Variants in AOPEP observed in about 807,000 individuals in gnomAD.
The protein encoded by AOPEP is aminopeptidase O (putative).
In AOPEP, 77 loss-of-function variants were observed where a neutral mutation model predicts 98.1. That is an observed-to-expected ratio of 0.78 (90% CI 0.65 to 0.95). The LOEUF (loss-of-function observed/expected upper bound fraction) is 0.95, where lower values mean the gene tolerates loss of function less well. Among genes scored for constraint, AOPEP ranks in the 40% least tolerant of loss-of-function variants. AOPEP has a pLI of 0.00. For synonymous variants in AOPEP, 346 were observed against 365.3 expected, an observed-to-expected ratio of 0.95 and a Z score of 0.60; for missense variants, 1,024 against 1,024.7, an observed-to-expected ratio of 1.00 and a Z score of 0.01.
intron 5 of AOPEP, chr9:94,824,847 A>G (rs930357679): frequency 6.6e-6 from 1 of 151,396 alleles, no homozygotes; most frequent in African/African-American, 2.4e-5. Flanking sequence ...TCAAGTCTCT[A>G]AAATACAACT....
intron 13 of AOPEP, among the ~76,000 whole-genome samples, chr9:95,021,487 A>C (rs1162067809): frequency 6.6e-6 from 1 of 152,268 alleles, no homozygotes; most frequent in Non-Finnish European, 1.5e-5. Flanking sequence ...GACTTGGTCA[A>C]CAATAGCATT....
the AOPEP span, chr9:95,111,548 G>T: frequency 1.2e-6 from 2 of 1,614,178 alleles, no homozygotes. Context: ...GGGTTCGGCT[G>T]CCGACATCAG....
chr9:94,910,518 G>A (rs1412780907), intron 5 of AOPEP, among the ~76,000 whole-genome samples: 1 of 152,206 alleles, frequency 6.6e-6, no homozygotes, highest in Non-Finnish European at 1.5e-5. Context: ...CCTGCTGTGG[G>A]CACGCCTCTG....
At chr9:94,781,010 CTG>C (rs1843121601) in intron 3 of AOPEP, among the ~76,000 whole-genome samples, 1 of 152,012 alleles carries the variant, frequency 6.6e-6, no homozygotes, top group Admixed American at 6.6e-5. Context: ...TTTCTCCTAA[CTG>C]TTTTTAAAAT....
chr9:94,822,140 G>A (rs1853371124), intron 5 of AOPEP, among the ~76,000 whole-genome samples: 1 of 152,186 alleles, frequency 6.6e-6, no homozygotes, highest in African/African-American at 2.4e-5. Context: ...AACCATCATA[G>A]AAGGGCTGAG....
intron 15 of AOPEP, 197 bp downstream of exon 15, chr9:95,080,977 A>C: frequency 1.7e-6 from 1 of 578,914 alleles, no homozygotes; most frequent in Non-Finnish European, 3.1e-6. Context: ...TGAAGGATTG[A>C]GTTGAGCACC....
the AOPEP span, among the ~76,000 whole-genome samples, chr9:95,147,692 T>G: frequency 5.4e-3 from 821 of 152,342 alleles, 11 homozygotes; most frequent in African/African-American, 0.018. Flanking sequence ...TATTGTGTCT[T>G]ATGCAACAAT....
At chr9:95,116,909 G>GTCTT in the AOPEP span, among the ~76,000 whole-genome samples, 10 of 152,178 alleles carry the variant, frequency 6.6e-5, no homozygotes, top group Non-Finnish European at 1.5e-4. Context: ...CCATCATTTT[G>GTCTT]TCTTTTCTTC....
chr9:95,038,153 C>CT (rs1755928591), intron 13 of AOPEP, among the ~76,000 whole-genome samples: 1 of 152,086 alleles, frequency 6.6e-6, no homozygotes, highest in African/African-American at 2.4e-5. Context: ...AAAAAATGGG[C>CT]TTTTAAGCAA....
At chr9:94,819,945 T>TC (rs1554726112) in intron 5 of AOPEP, among the ~76,000 whole-genome samples, 2 of 72,912 alleles carry the variant, frequency 2.7e-5, no homozygotes, top group African/African-American at 8.7e-5. Flanking sequence ...TTAGTGCAAT[T>TC]CTTTTTTTTT....
At chr9:94,888,897 C>A (rs1007858263) in intron 5 of AOPEP, among the ~76,000 whole-genome samples, 1 of 152,138 alleles carries the variant, frequency 6.6e-6, no homozygotes, top group African/African-American at 2.4e-5. Flanking sequence ...GTGATTTTAT[C>A]ATGCATGAAG....
At position 94,884,827 on chromosome 9, in the gene AOPEP, T is replaced by C. The variant is rs376890730; in HGVS notation, c.1365-39159T>C. Among the ~76,000 whole-genome samples, 966 of 144,074 alleles carry C rather than the reference T, an allele frequency of 6.7e-3. 17 individuals are homozygous for C. The highest frequency in any genetic ancestry group is 0.021 in the African/African-American group (781 of 36,332). 94.5% of individuals were successfully genotyped at this position (144,074 alleles called of 152,430 possible). A position where few individuals can be genotyped will look rare whatever the true frequency, so the allele number is the denominator to read the frequency against. The stretch of plus-strand genomic sequence containing the variant: ...GAGATCGAGACCATCCTGGCCAACA[T>C]GGTGAAACCCGTCTCTATTAAAAAT... On this transcript the variant is annotated intron_variant, in intron 5 of 16. Transcript: ENST00000375315.
At chr9:94,949,293 C>G (rs561215180) in intron 7 of AOPEP, among the ~76,000 whole-genome samples, 1 of 152,170 alleles carries the variant, frequency 6.6e-6, no homozygotes, top group South Asian at 2.1e-4. Context: ...TTTTCCCACC[C>G]TGATTATTAA....
intron 5 of AOPEP, among the ~76,000 whole-genome samples, chr9:94,859,366 C>T (rs377612454): frequency 6.6e-6 from 1 of 152,212 alleles, no homozygotes; most frequent in Non-Finnish European, 1.5e-5. Context: ...TCGGCACTGT[C>T]TTCACATCCC....
the AOPEP span, chr9:95,100,700 G>C: frequency 4.4e-6 from 1 of 228,100 alleles, no homozygotes; most frequent in Admixed American, 5.7e-5. Context: ...TCATGATCTC[G>C]GCTCACTACA....
At chr9:94,812,030 G>A (rs969538730) in intron 5 of AOPEP, among the ~76,000 whole-genome samples, 3 of 152,088 alleles carry the variant, frequency 2.0e-5, no homozygotes, top group Non-Finnish European at 4.4e-5. Context: ...CTTATCCAGG[G>A]AACACTTCTT....
intron 14 of AOPEP, among the ~76,000 whole-genome samples, chr9:95,064,746 C>T (rs1460036398): frequency 6.6e-6 from 1 of 152,086 alleles, no homozygotes; most frequent in Non-Finnish European, 1.5e-5. Context: ...GTTGTGAGTC[C>T]AGCAACACAA....
chr9:95,144,519 G>A, the AOPEP span, among the ~76,000 whole-genome samples: 4 of 152,162 alleles, frequency 2.6e-5, no homozygotes, highest in Admixed American at 6.5e-5. Flanking sequence ...TGGGCACGTC[G>A]CCTGGCCAGT....
intron 3 of AOPEP, among the ~76,000 whole-genome samples, chr9:94,791,899 A>G (rs1386616888): frequency 6.6e-6 from 1 of 152,246 alleles, no homozygotes; most frequent in Non-Finnish European, 1.5e-5. Context: ...CGGAAAATAT[A>G]CCATTGTTAA....
Sources: allele counts gnomAD v4.1 joint callset (sites outside exome capture counted in the v4.1 genomes callset), GRCh38; gene constraint gnomAD v4.1.1; transcripts MANE v1.5; gene names NCBI Gene and HGNC (gene_info 2026-07-23, HGNC 2026-07-21).